SEL1L2: variants seen among roughly 807,000 people sequenced by gnomAD.
SEL1L2 encodes the protein SEL1L2 adaptor subunit of SYVN1 ubiquitin ligase.
SEL1L2 carries 89 observed loss-of-function variants against 98.8 expected under a neutral mutation model. The ratio of observed to expected loss-of-function variants is 0.90; its 90% confidence interval spans 0.76 to 1.07. The LOEUF is 1.07. Among genes scored for constraint, SEL1L2 ranks in the 50% least tolerant of loss-of-function variants. The probability of loss-of-function intolerance (pLI) is 0.00; values close to 1 mark genes in which losing one functional copy is unlikely to be tolerated. For synonymous variants in SEL1L2, 262 were observed against 278.5 expected (o/e 0.94, Z 0.59); for missense variants, 788 against 812.0 (o/e 0.97, Z 0.36).
At chr20:13,959,333 C>T (rs2050681554) in intron 1 of SEL1L2, among the ~76,000 whole-genome samples, 1 of 152,078 alleles carries the variant, frequency 6.6e-6, no homozygotes, top group African/African-American at 2.4e-5. Flanking sequence ...AAACTTGCAC[C>T]CAAAAATGGT....
At chr20:13,989,248 G>A (rs1032693704) in intron 1 of SEL1L2, among the ~76,000 whole-genome samples, 1 of 151,858 alleles carries the variant, frequency 6.6e-6, no homozygotes, top group Non-Finnish European at 1.5e-5. Context: ...CTATTATAAA[G>A]TTTCTTTCAT....
At chr20:13,863,940 A>T (rs901584420) in intron 17 of SEL1L2, among the ~76,000 whole-genome samples, 1 of 151,332 alleles carries the variant, frequency 6.6e-6, no homozygotes, top group African/African-American at 2.4e-5. Flanking sequence ...ACTGCACCCC[A>T]GCCTGGAGAC....
chr20:13,988,945 G>A (rs1440702216), intron 1 of SEL1L2, among the ~76,000 whole-genome samples: 2 of 152,122 alleles, frequency 1.3e-5, no homozygotes, highest in South Asian at 2.1e-4. Context: ...CCCAGGCAGC[G>A]GAGGTTGCAG....
intron 1 of SEL1L2, among the ~76,000 whole-genome samples, chr20:13,981,197 G>A (rs1463635436): frequency 2.6e-5 from 4 of 152,080 alleles, no homozygotes; most frequent in African/African-American, 9.7e-5. Flanking sequence ...AGCCGAGATC[G>A]TGCCATTGCA....
chr20:13,891,999 CAG>C (rs2047225033), intron 5 of SEL1L2, among the ~76,000 whole-genome samples: 1 of 152,042 alleles, frequency 6.6e-6, no homozygotes, highest in African/African-American at 2.4e-5. Context: ...AAAGACAAAA[CAG>C]AAATAATTAT....
chr20:13,850,030 C>T, intron 19 of SEL1L2, 161 bp downstream of exon 19: 1 of 706,996 alleles, frequency 1.4e-6, no homozygotes, highest in Non-Finnish European at 2.3e-6. Flanking sequence ...CTCAATAGAA[C>T]ATGCAGAATT....
chr20:13,906,892 T>A (rs1262389226), intron 5 of SEL1L2, among the ~76,000 whole-genome samples: 2 of 152,162 alleles, frequency 1.3e-5, no homozygotes, highest in Non-Finnish European at 2.9e-5. Flanking sequence ...TTGGCCAGGC[T>A]GATCTCAAAC....
chr20:13,885,204 G>A, intron 10 of SEL1L2, 143 bp downstream of exon 10: 1 of 643,204 alleles, frequency 1.6e-6, no homozygotes, highest in Non-Finnish European at 2.9e-6. Context: ...TAAGAAGCTG[G>A]GAAGCATAGC....
chr20:13,889,466 T>G (rs1457131663), intron 5 of SEL1L2, among the ~76,000 whole-genome samples: 5 of 152,124 alleles, frequency 3.3e-5, no homozygotes, highest in Non-Finnish European at 5.9e-5. Flanking sequence ...ATACTTTCCT[T>G]TCTTGGAAAC....
chr20:13,868,525 C>T (rs1047118812), intron 14 of SEL1L2, among the ~76,000 whole-genome samples: 1 of 152,032 alleles, frequency 6.6e-6, no homozygotes. Context: ...CGTTGGCATG[C>T]GGCTTCCACC....
chr20:13,917,786 CTTTTTTTTTTTTTTTTTTT>C (rs5840588), intron 4 of SEL1L2, among the ~76,000 whole-genome samples: 2 of 50,070 alleles, frequency 4.0e-5, no homozygotes, highest in Non-Finnish European at 3.3e-5. Context: ...TTCTTTCTTT[CTTTTTTTTTTTTTTTTTTT>C]TTTTTTTTTT....
At chr20:13,929,874 T>C (rs2049065270) in intron 3 of SEL1L2, among the ~76,000 whole-genome samples, 1 of 152,040 alleles carries the variant, frequency 6.6e-6, no homozygotes, top group Non-Finnish European at 1.5e-5. Flanking sequence ...CACTGCAGCC[T>C]CCGCCTCCTG....
intron 3 of SEL1L2, among the ~76,000 whole-genome samples, chr20:13,925,509 G>A (rs1269398942): frequency 6.6e-6 from 1 of 152,208 alleles, no homozygotes; most frequent in African/African-American, 2.4e-5. Context: ...TGATTGGTTG[G>A]TTGGTTGGTT....
chr20:13,942,206 T>C (rs2049812963), intron 2 of SEL1L2, among the ~76,000 whole-genome samples: 1 of 152,188 alleles, frequency 6.6e-6, no homozygotes. Context: ...GCTGCTGCCA[T>C]TGGTTTCACA....
At chr20:13,918,805 G>C (rs573200694) in intron 4 of SEL1L2, among the ~76,000 whole-genome samples, 2 of 152,050 alleles carry the variant, frequency 1.3e-5, no homozygotes, top group Non-Finnish European at 2.9e-5. Flanking sequence ...CACTTAATAC[G>C]GGGACTGCAA....
intron 11 of SEL1L2, 116 bp downstream of exon 11, chr20:13,877,404 G>A: frequency 1.3e-6 from 1 of 740,990 alleles, no homozygotes; most frequent in Non-Finnish European, 2.3e-6. Flanking sequence ...TGTGCTCAAT[G>A]ATCTTTCCAC....
intron 2 of SEL1L2, among the ~76,000 whole-genome samples, chr20:13,935,999 C>G (rs1307168058): frequency 1.3e-5 from 2 of 152,128 alleles, no homozygotes; most frequent in Non-Finnish European, 2.9e-5. Flanking sequence ...TTTTAAACAG[C>G]AAATGCAATA....
chr20:13,975,992 T>TTTTGTTTGTTTG lies in SEL1L2; in HGVS notation c.58+14473_58+14484dup, dbSNP rs137916088. The stretch of plus-strand genomic sequence containing the variant: ...ATTACAAGCATGAGCCACCAAGGTT[T>TTTTGTTTGTTTG]TTTGTTTGTTTGTTTGTTTGTTTGT... On this transcript the variant is annotated intron_variant, in intron 1 of 19. Coordinates refer to ENST00000284951, the MANE Select transcript of SEL1L2 (RefSeq NM_025229.2). Among the ~76,000 whole-genome samples the TTTTGTTTGTTTG allele has an allele frequency of 7.3e-5, 11 of 150,670 alleles. No homozygotes were observed. The East Asian group carries it at 2.2e-3, about 30-fold the overall frequency.
intron 2 of SEL1L2, among the ~76,000 whole-genome samples, chr20:13,938,358 C>T (rs999188265): frequency 1.1e-4 from 17 of 152,074 alleles, no homozygotes; most frequent in African/African-American, 3.4e-4. Context: ...GGATTACAGG[C>T]GTAAGCCACT....
Sources: allele counts gnomAD v4.1 joint callset (sites outside exome capture counted in the v4.1 genomes callset), GRCh38; gene constraint gnomAD v4.1.1; transcripts MANE v1.5; gene names NCBI Gene and HGNC (gene_info 2026-07-23, HGNC 2026-07-21).